OPN3: variants seen among roughly 807,000 people sequenced by gnomAD.
OPN3 encodes opsin-3.
OPN3 carries 29 observed loss-of-function variants against 33.8 expected under a neutral mutation model. That is an observed-to-expected ratio of 0.86 (90% CI 0.64 to 1.17). The LOEUF is 1.17. Among genes scored for constraint, OPN3 ranks in the 50% most tolerant of loss-of-function variants. The pLI is 0.00. For synonymous variants in OPN3, 216 were observed against 216.1 expected, an observed-to-expected ratio of 1.00 and a Z score of 0.00; for missense variants, 437 against 514.1, an observed-to-expected ratio of 0.85 and a Z score of 1.45.
rs1002928487 is a variant in OPN3, at chr1:241,594,014, A to G, written c.*414T>C. On this transcript the variant is annotated 3_prime_UTR_variant, in exon 4 of 4. Coordinates refer to ENST00000366554, the MANE Select transcript of OPN3 (RefSeq NM_014322.3). ...AGGACATGACACTGAATAGAGTCCAACAGTACAAAAAAAATTCAGTATGTT... is the reference window on the plus strand; with the variant it reads ...AGGACATGACACTGAATAGAGTCCAGCAGTACAAAAAAAATTCAGTATGTT... The G allele has an allele frequency of 1.1e-5, 2 of 175,196 alleles. No individual in the cohort carries two copies. Among genetic ancestry groups the G allele is most frequent in the Admixed American group, 5.7e-5 (1 of 17,520 alleles). The allele number at this position is 175,196 out of a possible 1,614,324, so 10.9% of individuals were successfully genotyped here. A position where few individuals can be genotyped will look rare whatever the true frequency, so the allele number is the denominator to read the frequency against.
At chr1:241,601,982 G>A (rs1663690679) in intron 2 of OPN3, among the ~76,000 whole-genome samples, 1 of 152,162 alleles carries the variant, frequency 6.6e-6, no homozygotes, top group Non-Finnish European at 1.5e-5. Context: ...CCATCCAAGT[G>A]GAGGTGTTCA....
chr1:241,611,335 C>T (rs776168430), intron 1 of OPN3, among the ~76,000 whole-genome samples: 9 of 151,892 alleles, frequency 5.9e-5, no homozygotes, highest in Admixed American at 2.6e-4. Context: ...GTTACTATGA[C>T]GAAACCCATG....
chr1:241,604,242 C>A lies in OPN3; in HGVS notation c.693+18G>T. The A allele has an allele frequency of 6.2e-7, 1 of 1,606,110 alleles. No homozygotes were observed. Among genetic ancestry groups the A allele is most frequent in the East Asian group, 2.2e-5 (1 of 44,780 alleles). Reference sequence around the variant, plus strand: ...TGGATGTGGTTTGGGAGGGGGGCATCTGTAGTCTTCAACTCACCATTCGAA... The same window carrying A: ...TGGATGTGGTTTGGGAGGGGGGCATATGTAGTCTTCAACTCACCATTCGAA... On this transcript the variant is annotated intron_variant, in intron 2 of 3. Coordinates refer to ENST00000366554, the MANE Select transcript of OPN3 (RefSeq NM_014322.3).
rs762182963 is a variant in OPN3 at position 241,635,202 on chromosome 1, G to A, written c.373+4680C>T. On this transcript the variant is annotated intron_variant, in intron 1 of 3. Coordinates refer to ENST00000366554, the MANE Select transcript of OPN3 (RefSeq NM_014322.3). ...TCTCCATCTTTATCTGAAACTGTGT[G>A]CATACAAGTTTTATCTCCACAATAC... The A allele has an allele frequency of 1.9e-6, 3 of 1,612,992 alleles. No individual in the cohort carries two copies. In the South Asian group the frequency reaches 3.3e-5, roughly 18 times the overall value.
intron 1 of OPN3, among the ~76,000 whole-genome samples, chr1:241,616,869 CTT>C (rs1664146344): frequency 6.6e-6 from 1 of 152,036 alleles, no homozygotes; most frequent in Non-Finnish European, 1.5e-5. Flanking sequence ...TAAAGGATCA[CTT>C]TTTCAACTCA....
intron 1 of OPN3, among the ~76,000 whole-genome samples, chr1:241,623,414 G>A (rs147487685): frequency 1.3e-5 from 2 of 152,074 alleles, no homozygotes; most frequent in South Asian, 2.1e-4. Context: ...GCCTCTCCTC[G>A]ATTCATCTTC....
At chr1:241,619,689 G>A (rs1422007450) in intron 1 of OPN3, among the ~76,000 whole-genome samples, 1 of 152,120 alleles carries the variant, frequency 6.6e-6, no homozygotes, top group African/African-American at 2.4e-5. Context: ...GGGAGACATG[G>A]GCAGTTTCAT....
intron 1 of OPN3, among the ~76,000 whole-genome samples, chr1:241,615,067 TAA>T (rs1427662008): frequency 3.3e-5 from 5 of 152,100 alleles, no homozygotes; most frequent in Admixed American, 3.3e-4. Flanking sequence ...ATTATTACAC[TAA>T]GAGACCCAAG....
chr1:241,609,278 A>G (rs1218196693), intron 1 of OPN3, among the ~76,000 whole-genome samples: 5 of 152,050 alleles, frequency 3.3e-5, no homozygotes, highest in Non-Finnish European at 7.4e-5. Flanking sequence ...TATGATATGC[A>G]CTCTTTTGGA....
rs78290307 is a variant in OPN3, at chr1:241,638,396, C to G, written c.373+1486G>C. On this transcript the variant is annotated intron_variant, in intron 1 of 3. Transcript: ENST00000366554. ...CTCAGTACACCCTTGTGTTCAAACT[C>G]CCGGGCACGAAAACAGAATTTTCCA... is the stretch of plus-strand genomic sequence containing the variant. Among the ~76,000 whole-genome samples, 35 of 152,222 alleles carry G rather than the reference C, an allele frequency of 2.3e-4. No individual in the cohort carries two copies. In the South Asian group the frequency reaches 5.4e-3, roughly 24 times the overall value.
chr1:241,630,961 A>C (rs894712481), intron 1 of OPN3: 2 of 152,052 alleles, frequency 1.3e-5, no homozygotes, highest in African/African-American at 4.8e-5. Flanking sequence ...GCATCTGTTG[A>C]GAATAAAATC....
At chr1:241,625,967 A>G (rs1305620115) in intron 1 of OPN3, among the ~76,000 whole-genome samples, 1 of 152,238 alleles carries the variant, frequency 6.6e-6, no homozygotes, top group Non-Finnish European at 1.5e-5. Context: ...ATGTCTCCAG[A>G]CTTTGCCAAT....
chr1:241,607,468 T>G (rs1663862609), intron 1 of OPN3, among the ~76,000 whole-genome samples: 1 of 151,664 alleles, frequency 6.6e-6, no homozygotes, highest in African/African-American at 2.4e-5. Flanking sequence ...GAGCTGAGAT[T>G]GTGCCACTGC....
intron 1 of OPN3, chr1:241,630,892 C>T (rs1257953994): frequency 1.3e-5 from 2 of 151,956 alleles, no homozygotes; most frequent in African/African-American, 2.4e-5. Context: ...CCTTATAATC[C>T]TGAGTGATAG....
intron 1 of OPN3, among the ~76,000 whole-genome samples, chr1:241,607,376 A>G (rs192930836): frequency 1.3e-5 from 2 of 152,162 alleles, no homozygotes; most frequent in East Asian, 3.9e-4. Context: ...TTAGACAGGC[A>G]TGGTGGCATG....
chr1:241,634,305 C>T, intron 1 of OPN3: 14 of 1,613,980 alleles, frequency 8.7e-6, no homozygotes, highest in Non-Finnish European at 1.2e-5. Flanking sequence ...ACCCGTACAG[C>T]ACAAGCTCCT....
chr1:241,597,665 A>G, intron 3 of OPN3, 81 bp downstream of exon 3: 1 of 1,360,868 alleles, frequency 7.3e-7, no homozygotes, highest in Non-Finnish European at 9.9e-7. Context: ...AGCGACTCTG[A>G]ATCACCTCTG....
At chr1:241,595,667 G>GT (rs1208524819) in intron 3 of OPN3, 2 of 152,164 alleles carry the variant, frequency 1.3e-5, no homozygotes, top group East Asian at 1.9e-4. Flanking sequence ...TTTTTTGTTT[G>GT]TTTTTTGTTT....
rs758025639 is a variant in OPN3, at chr1:241,634,966, T to C, written c.373+4916A>G. 4 of 1,613,646 alleles carry C rather than the reference T, an allele frequency of 2.5e-6. No individual in the cohort carries two copies. The East Asian group carries it at 8.9e-5, about 36-fold the overall frequency. ...CTTGTTCTACCTTTCCTTCCCGAAA[T>C]GCAAGAATCCTAGTGACATTTTTAA... is the stretch of plus-strand genomic sequence containing the variant. On this transcript the variant is annotated intron_variant, in intron 1 of 3. Coordinates refer to ENST00000366554, the MANE Select transcript of OPN3 (RefSeq NM_014322.3).
Sources: allele counts gnomAD v4.1 joint callset (sites outside exome capture counted in the v4.1 genomes callset), GRCh38; gene constraint gnomAD v4.1.1; transcripts MANE v1.5; gene names NCBI Gene and HGNC (gene_info 2026-07-23, HGNC 2026-07-21).